The following CLEC9A variants were observed in gnomAD, a reference collection of about 807,000 sequenced individuals.
CLEC9A encodes the protein C-type lectin domain containing 9A.
Under a neutral mutation model 30.0 loss-of-function variants are expected in CLEC9A, and 24 were observed. That is an observed-to-expected ratio of 0.80 (90% CI 0.58 to 1.13). The LOEUF is 1.13. CLEC9A is among the 50% of genes most tolerant of loss of function. The probability of loss-of-function intolerance (pLI) is 0.00; values close to 1 mark genes in which losing one functional copy is unlikely to be tolerated. For synonymous variants in CLEC9A, 111 were observed against 96.8 expected, an observed-to-expected ratio of 1.15 and a Z score of -0.86; for missense variants, 251 against 280.9, an observed-to-expected ratio of 0.89 and a Z score of 0.76.
intron 7 of CLEC9A, among the ~76,000 whole-genome samples, chr12:10,063,938 G>A (rs941601086): frequency 6.6e-6 from 1 of 152,100 alleles, no homozygotes; most frequent in African/African-American, 2.4e-5. Flanking sequence ...AACCCAGGAG[G>A]TAGAGGTTTG....
chr12:10,044,889 T>G (rs1865832322), intron 2 of CLEC9A, among the ~76,000 whole-genome samples: 1 of 152,228 alleles, frequency 6.6e-6, no homozygotes, highest in Admixed American at 6.5e-5. Context: ...TATGTAGATA[T>G]ATGCCAAATA....
At chr12:10,046,767 T>C (rs747618623) in intron 2 of CLEC9A, among the ~76,000 whole-genome samples, 1 of 152,230 alleles carries the variant, frequency 6.6e-6, no homozygotes, top group Non-Finnish European at 1.5e-5. Flanking sequence ...CGTGGGTTTT[T>C]ACAAGCACCA....
intron 2 of CLEC9A, 134 bp downstream of exon 2, chr12:10,041,754 T>G: frequency 2.3e-6 from 1 of 441,746 alleles, no homozygotes. Flanking sequence ...TTATGAAACC[T>G]AGTAAGAATT....
At chr12:10,054,174 G>A in intron 4 of CLEC9A, 97 bp from the exon 5 acceptor site, 4 of 975,212 alleles carry the variant, frequency 4.1e-6, no homozygotes, top group Non-Finnish European at 6.4e-6. Flanking sequence ...AAATGCCAAT[G>A]TTAATTCCTT....
chr12:10,061,381 A>C (rs1365635595), intron 6 of CLEC9A, 108 bp downstream of exon 6: 1 of 1,148,354 alleles, frequency 8.7e-7, no homozygotes, highest in East Asian at 2.8e-5. Context: ...TTAGGATTTT[A>C]TAATAAGAGT....
At chr12:10,048,898 CCT>C (rs1865870306) in intron 2 of CLEC9A, among the ~76,000 whole-genome samples, 1 of 152,166 alleles carries the variant, frequency 6.6e-6, no homozygotes, top group African/African-American at 2.4e-5. Context: ...AATAGTAAAT[CCT>C]TTCCAGGTGG....
chr12:10,035,648 A>T (rs1865738341), intron 1 of CLEC9A, among the ~76,000 whole-genome samples: 1 of 152,176 alleles, frequency 6.6e-6, no homozygotes, highest in African/African-American at 2.4e-5. Context: ...TGGCTCTGTC[A>T]CCCAGGCTGG....
At chr12:10,061,653 A>G (rs1865999846) in intron 6 of CLEC9A, among the ~76,000 whole-genome samples, 2 of 152,332 alleles carry the variant, frequency 1.3e-5, no homozygotes, top group East Asian at 1.9e-4. Flanking sequence ...TTTAGATTCA[A>G]GTTTAGATAG....
chr12:10,058,749 T>C (rs1865966579), intron 5 of CLEC9A, among the ~76,000 whole-genome samples: 1 of 152,182 alleles, frequency 6.6e-6, no homozygotes, highest in Non-Finnish European at 1.5e-5. Flanking sequence ...TTTGCCATGT[T>C]GGCCATGGTG....
intron 6 of CLEC9A, among the ~76,000 whole-genome samples, chr12:10,061,953 C>A (rs1035915205): frequency 3.3e-5 from 5 of 152,174 alleles, no homozygotes; most frequent in Admixed American, 2.0e-4. Context: ...AAACATCAAC[C>A]ATAGTTCCTT....
intron 5 of CLEC9A, among the ~76,000 whole-genome samples, chr12:10,055,351 C>T (rs1865932406): frequency 6.6e-6 from 1 of 152,286 alleles, no homozygotes; most frequent in Non-Finnish European, 1.5e-5. Flanking sequence ...ATTTAAAAGA[C>T]CAGTTCAGTC....
chr12:10,033,870 T>C (rs1865721626), intron 1 of CLEC9A, among the ~76,000 whole-genome samples: 1 of 152,052 alleles, frequency 6.6e-6, no homozygotes, highest in African/African-American at 2.4e-5. Context: ...TAATTCAGAA[T>C]TATTTACAAA....
chr12:10,042,044 C>T (rs1479071437), intron 2 of CLEC9A, among the ~76,000 whole-genome samples: 1 of 152,194 alleles, frequency 6.6e-6, no homozygotes, highest in Non-Finnish European at 1.5e-5. Context: ...CCTAAAATCT[C>T]AGCTCTATTA....
intron 1 of CLEC9A, among the ~76,000 whole-genome samples, chr12:10,035,887 T>C (rs1565587514): frequency 6.6e-6 from 1 of 152,238 alleles, no homozygotes; most frequent in Non-Finnish European, 1.5e-5. Flanking sequence ...TTACAGGAGT[T>C]AGCCACCATG....
chr12:10,053,488 T>C (rs1417582688), intron 4 of CLEC9A, among the ~76,000 whole-genome samples: 1 of 152,198 alleles, frequency 6.6e-6, no homozygotes, highest in Non-Finnish European at 1.5e-5. Context: ...TCCATTATCA[T>C]GCCATGCTCT....
intron 2 of CLEC9A, among the ~76,000 whole-genome samples, chr12:10,051,219 A>AAT (rs1390097865): frequency 3.3e-5 from 5 of 151,790 alleles, no homozygotes; most frequent in Non-Finnish European, 7.4e-5. Context: ...AAAAAAAAAA[A>AAT]TGAATAAATA....
At chr12:10,034,047 G>A (rs886359171) in intron 1 of CLEC9A, among the ~76,000 whole-genome samples, 7 of 152,214 alleles carry the variant, frequency 4.6e-5, no homozygotes, top group African/African-American at 1.7e-4. Flanking sequence ...ACCCAATTAG[G>A]TGAGTATGCC....
intron 1 of CLEC9A, among the ~76,000 whole-genome samples, chr12:10,038,961 A>G (rs541297447): frequency 1.3e-5 from 2 of 152,362 alleles, no homozygotes; most frequent in African/African-American, 4.8e-5. Context: ...GGCCATGCCT[A>G]TTGTTGATGA....
rs763749331 is a variant in CLEC9A at position 10,061,224 on chromosome 12, C to G, written c.270C>G (p.Ala90=). ...LNFTEWKRSC[A]LQMKYCQAFM... is the part of the protein sequence containing the mutation. ...TTACAGAATGGAAGAGAAGCTGTGC[C>G]CTTCAGATGAAATATTGCCAAGCCT... The change falls in exon 6 of 9, where the codon GCC becomes GCG. Residue 90 remains alanine, a synonymous_variant. Coordinates refer to ENST00000355819, the MANE Select transcript of CLEC9A (RefSeq NM_207345.4). 2.5e-6 allele frequency: 4 copies of G among 1,611,018 alleles called. No homozygotes were observed. Among genetic ancestry groups the G allele is most frequent in the Non-Finnish European group, 3.4e-6 (4 of 1,178,966 alleles).
Sources: allele counts gnomAD v4.1 joint callset (sites outside exome capture counted in the v4.1 genomes callset), GRCh38; gene constraint gnomAD v4.1.1; transcripts MANE v1.5; gene names NCBI Gene and HGNC (gene_info 2026-07-23, HGNC 2026-07-21).